Variants in TSC22D1 observed in about 807,000 individuals in gnomAD.
TSC22D1 encodes the protein TSC22 domain family member 1.
A neutral mutation model predicts 74.2 loss-of-function variants in TSC22D1; 9 were observed. That is an observed-to-expected ratio of 0.12 (90% CI 0.07 to 0.21). TSC22D1 has a LOEUF of 0.21. TSC22D1 is among the 10% of genes least tolerant of loss of function. The probability of loss-of-function intolerance (pLI) is 1.00; values close to 1 mark genes in which losing one functional copy is unlikely to be tolerated. For missense variants in TSC22D1, 1,427 were observed against 1,304.7 expected (o/e 1.09, Z -1.44); for synonymous variants, 586 against 492.5 (o/e 1.19, Z -2.51).
chr13:44,460,668 C>T (rs989724633), intron 1 of TSC22D1, among the ~76,000 whole-genome samples: 9 of 152,200 alleles, frequency 5.9e-5, no homozygotes, highest in Admixed American at 2.0e-4. Flanking sequence ...AGGCCCCATC[C>T]GCTTCTAGTG....
chr13:44,472,020 A>G (rs1031023459), intron 1 of TSC22D1, among the ~76,000 whole-genome samples: 29 of 152,246 alleles, frequency 1.9e-4, no homozygotes, highest in African/African-American at 7.0e-4. Context: ...TGGAGGATTC[A>G]AGTAACCCTT....
chr13:44,447,464 T>C (rs1289412060), intron 1 of TSC22D1, among the ~76,000 whole-genome samples: 1 of 152,166 alleles, frequency 6.6e-6, no homozygotes, highest in Non-Finnish European at 1.5e-5. Flanking sequence ...ATTTTTTAAC[T>C]ATAATTTTGC....
intron 1 of TSC22D1, among the ~76,000 whole-genome samples, chr13:44,535,563 T>C (rs1413477518): frequency 6.6e-6 from 1 of 152,046 alleles, no homozygotes; most frequent in African/African-American, 2.4e-5. Context: ...CAATAACCTA[T>C]AAAGTCAGGA....
At chr13:44,537,587 G>A (rs940060896) in intron 1 of TSC22D1, 6 of 984,568 alleles carry the variant, frequency 6.1e-6, no homozygotes, top group East Asian at 1.1e-4. Flanking sequence ...TTCCTAAAAC[G>A]ATGGACAGTT....
At chr13:44,480,738 C>T (rs2137931173) in intron 1 of TSC22D1, among the ~76,000 whole-genome samples, 1 of 152,244 alleles carries the variant, frequency 6.6e-6, no homozygotes, top group Admixed American at 6.5e-5. Context: ...ACAAAGGAGT[C>T]CAGGGACAGG....
chr13:44,569,931 T>A (rs1883642328), intron 1 of TSC22D1, among the ~76,000 whole-genome samples: 1 of 152,140 alleles, frequency 6.6e-6, no homozygotes, highest in Non-Finnish European at 1.5e-5. Flanking sequence ...TTGGTAAACA[T>A]AATTATAATT....
rs1437247973 is a variant in TSC22D1 at position 44,510,047 on chromosome 13, C to T, written c.2912+63116G>A. ...TGCTAGTGAAGCTATAGTCAAGGCC[C>T]TTTGGAAAAGGAACTTGTCAGCATA... On this transcript the variant is annotated intron_variant, in intron 1 of 2. Coordinates refer to ENST00000458659, the MANE Select transcript of TSC22D1 (RefSeq NM_183422.4). Among the ~76,000 whole-genome samples the T allele has an allele frequency of 2.7e-5, 4 of 150,906 alleles. No homozygotes were observed. The East Asian group carries it at 7.8e-4, about 29-fold the overall frequency.
Position 44,573,621 on chromosome 13 carries a change from C to A in TSC22D1, c.2454G>T (p.Leu818Phe). ...CAGAGGGCAAAGAACTAACTGCAGGCAACTGCTGTGAAACAATTCCTTGAG... is the reference window on the plus strand; with the variant it reads ...CAGAGGGCAAAGAACTAACTGCAGGAAACTGCTGTGAAACAATTCCTTGAG... The part of the protein sequence containing the change: ...PVAQGIVSQQ[L>F]PAVSSLPSAS... Residue 818 changes from leucine (L) to phenylalanine (F), a missense_variant, in exon 1 of 3, where the codon TTG (leucine) becomes TTT (phenylalanine). Coordinates refer to ENST00000458659, the MANE Select transcript of TSC22D1 (RefSeq NM_183422.4). The A allele has an allele frequency of 6.2e-7, 1 of 1,614,222 alleles. No individual in the cohort carries two copies. The highest frequency in any genetic ancestry group is 8.5e-7 in the Non-Finnish European group (1 of 1,180,046).
rs186781721 is a variant in TSC22D1, at chr13:44,511,517, G to C, written c.2912+61646C>G. On this transcript the variant is annotated intron_variant, in intron 1 of 2. Transcript: ENST00000458659. ...GATCAGGAGCCAAGTTTTATTTATCGCTAACATCTGGCATATAACTAATTG... is the reference window on the plus strand; with the variant it reads ...GATCAGGAGCCAAGTTTTATTTATCCCTAACATCTGGCATATAACTAATTG... Among the ~76,000 whole-genome samples the C allele has an allele frequency of 1.5e-3, 235 of 151,876 alleles. 1 individual carries two copies. Among genetic ancestry groups the C allele is most frequent in the African/African-American group, 5.5e-3 (227 of 41,426 alleles).
chr13:44,553,346 T>C lies in TSC22D1; in HGVS notation c.2912+19817A>G, dbSNP rs145969295. Among the ~76,000 whole-genome samples, 659 of 143,934 alleles carry C rather than the reference T, an allele frequency of 4.6e-3. 5 individuals are homozygous for C. Among genetic ancestry groups the C allele is most frequent in the African/African-American group, 0.016 (625 of 39,864 alleles). The allele number at this position is 143,934 out of a possible 152,430, so 94.4% of individuals were successfully genotyped here. On this transcript the variant is annotated intron_variant, in intron 1 of 2. Transcript: ENST00000458659. ...CCCAAATTTCTGGGCTCTAATACTA[T>C]TTTTTTTTTTCACTTTTAGAATCAG...
intron 1 of TSC22D1, chr13:44,538,962 G>A: frequency 3.0e-6 from 3 of 985,334 alleles, no homozygotes; most frequent in Non-Finnish European, 3.6e-6. Context: ...AATCCACCAA[G>A]GAAAAATGAA....
At chr13:44,456,244 A>C (rs543895225) in intron 1 of TSC22D1, among the ~76,000 whole-genome samples, 13 of 152,310 alleles carry the variant, frequency 8.5e-5, no homozygotes, top group East Asian at 1.9e-4. Context: ...GCGGAGAAGA[A>C]GACCCGAGCG....
intron 1 of TSC22D1, among the ~76,000 whole-genome samples, chr13:44,463,126 G>A (rs931011278): frequency 6.6e-5 from 10 of 152,062 alleles, no homozygotes; most frequent in African/African-American, 2.4e-4. Context: ...TTGCCTATGA[G>A]TTTCTCATGT....
chr13:44,539,405 G>T (rs918603661), intron 1 of TSC22D1: 1 of 985,172 alleles, frequency 1.0e-6, no homozygotes, highest in African/African-American at 1.7e-5. Flanking sequence ...TGTCCAGTTT[G>T]CCCAAAGATG....
chr13:44,467,280 G>A (rs1177076085), intron 1 of TSC22D1, among the ~76,000 whole-genome samples: 3 of 152,106 alleles, frequency 2.0e-5, no homozygotes, highest in Admixed American at 6.6e-5. Flanking sequence ...GATACCTGAC[G>A]TGAAACCATA....
Position 44,493,338 on chromosome 13 carries a change from T to C in TSC22D1, c.2913-57243A>G, listed in dbSNP as rs1878811601. ...AGAACTGTGTTTGTCTGTTTTGACT[T>C]ATCTGGGGACAACCTTCAGGCCTGA... On this transcript the variant is annotated intron_variant, in intron 1 of 2. Transcript: ENST00000458659. 2.6e-5 allele frequency among the ~76,000 whole-genome samples: 4 copies of C among 152,292 alleles called. No individual in the cohort carries two copies. In the South Asian group the frequency reaches 8.3e-4, roughly 32 times the overall value.
At chr13:44,501,156 C>T (rs889621122) in intron 1 of TSC22D1, among the ~76,000 whole-genome samples, 2 of 152,050 alleles carry the variant, frequency 1.3e-5, no homozygotes, top group African/African-American at 2.4e-5. Context: ...GGTGGTGAAC[C>T]AATAGCAAGC....
At chr13:44,555,201 G>A (rs1457019240) in intron 1 of TSC22D1, among the ~76,000 whole-genome samples, 1 of 150,066 alleles carries the variant, frequency 6.7e-6, no homozygotes, top group African/African-American at 2.4e-5. Context: ...TATCTCTTAA[G>A]AAGATTCAAT....
intron 1 of TSC22D1, among the ~76,000 whole-genome samples, chr13:44,558,705 A>C (rs1269940171): frequency 6.6e-6 from 1 of 152,134 alleles, no homozygotes; most frequent in Non-Finnish European, 1.5e-5. Flanking sequence ...GTGCCACTGC[A>C]CTCCAGCCTG....
Sources: gnomAD v4.1 joint callset for allele counts (sites outside exome capture counted in the v4.1 genomes callset) on GRCh38, gnomAD v4.1.1 for gene constraint, MANE v1.5 for transcripts, NCBI Gene and HGNC (gene_info 2026-07-23, HGNC 2026-07-21) for gene names.